XXYLT1: variants seen among roughly 807,000 people sequenced by gnomAD.
XXYLT1 encodes UDP-xylose:alpha-xyloside alpha-1,3-xylosyltransferase.
In XXYLT1, 20 loss-of-function variants were observed where a neutral mutation model predicts 28.9. The ratio of observed to expected loss-of-function variants is 0.69; its 90% CI spans 0.49 to 1.00. XXYLT1 has a LOEUF of 1.00. Ranked by LOEUF, XXYLT1 falls within the 50% of genes least tolerant of loss-of-function variation. XXYLT1 has a pLI of 0.00. For synonymous variants in XXYLT1, 257 were observed against 253.8 expected (o/e 1.01, Z -0.12); for missense variants, 542 against 560.1 (o/e 0.97, Z 0.33).
intron 1 of XXYLT1, among the ~76,000 whole-genome samples, chr3:195,249,333 C>T (rs1193052164): frequency 2.6e-5 from 4 of 152,230 alleles, no homozygotes; most frequent in Non-Finnish European, 5.9e-5. Flanking sequence ...CTAAGCAGCA[C>T]CATGCTGTAT....
chr3:195,261,903 C>T (rs1725710536), intron 1 of XXYLT1, among the ~76,000 whole-genome samples: 2 of 152,150 alleles, frequency 1.3e-5, no homozygotes, highest in African/African-American at 4.8e-5. Context: ...TCAGGACCTC[C>T]ATACACTGCT....
At chr3:195,178,322 C>T (rs1054713916) in intron 2 of XXYLT1, among the ~76,000 whole-genome samples, 2 of 152,204 alleles carry the variant, frequency 1.3e-5, no homozygotes, top group African/African-American at 4.8e-5. Flanking sequence ...ATACAATCCC[C>T]AGACCAGTCT....
chr3:195,119,924 G>A (rs1362069902), intron 3 of XXYLT1, among the ~76,000 whole-genome samples: 1 of 151,508 alleles, frequency 6.6e-6, no homozygotes, highest in Admixed American at 6.6e-5. Flanking sequence ...GGGGAGGTCA[G>A]GGGCTGGGCG....
chr3:195,246,517 G>A (rs1725030322), intron 1 of XXYLT1, among the ~76,000 whole-genome samples: 1 of 152,226 alleles, frequency 6.6e-6, no homozygotes, highest in Non-Finnish European at 1.5e-5. Flanking sequence ...TGACCATGAG[G>A]AACTATGGCA....
chr3:195,227,755 A>G (rs987630684), intron 1 of XXYLT1, among the ~76,000 whole-genome samples: 3 of 151,976 alleles, frequency 2.0e-5, no homozygotes, highest in African/African-American at 7.3e-5. Context: ...TCAGCCCCAC[A>G]CTCTTTCCAC....
chr3:195,109,941 T>C (rs111067013), intron 3 of XXYLT1, among the ~76,000 whole-genome samples: 5,591 of 44,832 alleles, frequency 0.12, 1,749 homozygotes, highest in African/African-American at 0.34. Context: ...GTGTGGTATA[T>C]GAGTGTGCGT....
chr3:195,132,033 C>T (rs1480861050), intron 3 of XXYLT1, among the ~76,000 whole-genome samples: 2 of 152,124 alleles, frequency 1.3e-5, no homozygotes, highest in Non-Finnish European at 2.9e-5. Flanking sequence ...CAGGCGGGAC[C>T]TCACTCCTAA....
rs1415127112 is a variant in XXYLT1 at position 195,124,638 on chromosome 3, T to A, written c.785+31811A>T. Among the ~76,000 whole-genome samples the A allele has an allele frequency of 6.6e-6, 1 of 152,156 alleles. No individual in the cohort carries two copies. The highest frequency in any genetic ancestry group is 1.5e-5 in the Non-Finnish European group (1 of 68,028). ...CAGGAAATATTTGCTGACAGACTGA[T>A]AAACTAATGAGCACATGCCTTACTG... On this transcript the variant is annotated intron_variant, in intron 3 of 3. Coordinates refer to ENST00000310380, the MANE Select transcript of XXYLT1 (RefSeq NM_152531.5). This position sits in a 1 kb window ranked among gnomAD's most constrained non-coding sequence, Gnocchi z 4.1.
chr3:195,223,284 C>G (rs1311639880), intron 2 of XXYLT1, among the ~76,000 whole-genome samples: 2 of 152,080 alleles, frequency 1.3e-5, no homozygotes, highest in Non-Finnish European at 2.9e-5. Context: ...GGATGACCCT[C>G]ATGCTACAGA....
chr3:195,110,321 A>ATGTGTGTGT (rs1717521898), intron 3 of XXYLT1, among the ~76,000 whole-genome samples: 3 of 8,204 alleles, frequency 3.7e-4, no homozygotes, highest in African/African-American at 1.1e-3. Flanking sequence ...TGTGTGGGTG[A>ATGTGTGTGT]GGGTGAGGTG....
chr3:195,146,343 G>C (rs968136434), intron 3 of XXYLT1, among the ~76,000 whole-genome samples: 3 of 152,228 alleles, frequency 2.0e-5, no homozygotes, highest in African/African-American at 7.2e-5. Context: ...TTACAAATAA[G>C]GTTCTTTCAA....
intron 2 of XXYLT1, among the ~76,000 whole-genome samples, chr3:195,202,046 G>A (rs186424785): frequency 0.028 from 4,239 of 151,478 alleles, 92 homozygotes; most frequent in Non-Finnish European, 0.045. Flanking sequence ...GTGTGGTGGT[G>A]TGCACCTGTA....
chr3:195,260,430 T>C (rs1725655614), intron 1 of XXYLT1, among the ~76,000 whole-genome samples: 1 of 152,058 alleles, frequency 6.6e-6, no homozygotes, highest in Admixed American at 6.5e-5. Flanking sequence ...CCCATCCGGC[T>C]CCCGCAACAC....
At chr3:195,221,822 G>A (rs1161085243) in intron 2 of XXYLT1, among the ~76,000 whole-genome samples, 2 of 152,140 alleles carry the variant, frequency 1.3e-5, no homozygotes, top group African/African-American at 2.4e-5. Flanking sequence ...TAAAAGCCCC[G>A]TGGATGTGGG....
chr3:195,247,289 GC>G (rs1183733001), intron 1 of XXYLT1, among the ~76,000 whole-genome samples: 2 of 152,202 alleles, frequency 1.3e-5, no homozygotes, highest in African/African-American at 4.8e-5. Flanking sequence ...TATTCACCAA[GC>G]CGAGCGGTGG....
In XXYLT1 at chr3:195,210,320, T is replaced by C. The variant is rs1465574551; in HGVS notation, c.652+16389A>G. Among the ~76,000 whole-genome samples, 1 of 152,196 alleles carries C rather than the reference T, an allele frequency of 6.6e-6. No homozygotes were observed. The highest frequency in any genetic ancestry group is 1.5e-5 in the Non-Finnish European group (1 of 68,032). ...TGCTCCCTGTGTGACACCCACTCAC[T>C]TGGGGTCCCTCCACCAACCGGAAGG... On this transcript the variant is annotated intron_variant, in intron 2 of 3. Coordinates refer to ENST00000310380, the MANE Select transcript of XXYLT1 (RefSeq NM_152531.5). The surrounding 1 kb of genome is among the most constrained non-coding windows in gnomAD (Gnocchi z 4.8).
chr3:195,116,699 G>A (rs949708077), intron 3 of XXYLT1, among the ~76,000 whole-genome samples: 15 of 152,264 alleles, frequency 9.9e-5, no homozygotes, highest in Middle Eastern at 3.4e-3. Context: ...TCTAAAAACT[G>A]TGCAGAAGGG....
At chr3:195,112,543 A>T (rs1717805426) in intron 3 of XXYLT1, among the ~76,000 whole-genome samples, 1 of 146,744 alleles carries the variant, frequency 6.8e-6, no homozygotes, top group Non-Finnish European at 1.5e-5. Context: ...CCCCAGCCCC[A>T]GGTGGGAACA....
intron 1 of XXYLT1, among the ~76,000 whole-genome samples, chr3:195,230,923 T>C (rs1353730504): frequency 6.6e-6 from 1 of 152,184 alleles, no homozygotes; most frequent in Admixed American, 6.5e-5. Flanking sequence ...AAGAATGTCA[T>C]TGGTATTTTG....
Sources: gnomAD v4.1 joint callset for allele counts (sites outside exome capture counted in the v4.1 genomes callset) on GRCh38, gnomAD v4.1.1 for gene constraint, Gnocchi (gnomAD v3.1) non-coding constraint, MANE v1.5 for transcripts, NCBI Gene and HGNC (gene_info 2026-07-23, HGNC 2026-07-21) for gene names.